Variants in ST7 observed in about 807,000 individuals in gnomAD.
ST7 encodes the protein suppressor of tumorigenicity 7 protein.
A neutral mutation model predicts 78.7 loss-of-function variants in ST7; 28 were observed. The observed-to-expected ratio is 0.36, with a 90% CI of 0.26 to 0.49. The LOEUF is 0.49. Among genes scored for constraint, ST7 ranks in the 20% least tolerant of loss-of-function variants. The pLI is 0.99. For missense variants in ST7, 418 were observed against 696.0 expected (o/e 0.60, Z 4.49); for synonymous variants, 247 against 249.6 (o/e 0.99, Z 0.10).
intron 2 of ST7, among the ~76,000 whole-genome samples, chr7:117,105,403 C>G (rs1414803421): frequency 1.3e-5 from 2 of 152,142 alleles, no homozygotes; most frequent in African/African-American, 2.4e-5. Context: ...GTCTCAGCCT[C>G]CCAAGTAGCT....
chr7:117,061,243 A>G (rs1798338875), intron 1 of ST7, among the ~76,000 whole-genome samples: 2 of 152,180 alleles, frequency 1.3e-5, no homozygotes, highest in Non-Finnish European at 2.9e-5. Context: ...GGGGAATCAG[A>G]TTGGCCATTT....
intron 1 of ST7, among the ~76,000 whole-genome samples, chr7:117,065,204 CTTTTTTT>C (rs11363365): frequency 1.1e-5 from 1 of 91,824 alleles, no homozygotes; most frequent in Non-Finnish European, 2.2e-5. Flanking sequence ...TGGTTCAAGT[CTTTTTTT>C]TTTTTTTTTT....
intron 1 of ST7, among the ~76,000 whole-genome samples, chr7:116,983,594 T>C (rs1216161466): frequency 2.0e-5 from 3 of 152,120 alleles, no homozygotes; most frequent in East Asian, 3.9e-4. Flanking sequence ...GCCTGCCCCC[T>C]GTTCTTATAC....
At chr7:117,048,428 T>C (rs1485216216) in intron 1 of ST7, among the ~76,000 whole-genome samples, 2 of 152,222 alleles carry the variant, frequency 1.3e-5, no homozygotes, top group African/African-American at 4.8e-5. Flanking sequence ...TTCTGGTAGA[T>C]TATCTAATGT....
intron 1 of ST7, among the ~76,000 whole-genome samples, chr7:117,018,752 G>A (rs1382691342): frequency 2.0e-5 from 3 of 152,098 alleles, no homozygotes; most frequent in Non-Finnish European, 4.4e-5. Context: ...AGATTAAATG[G>A]GTTTATACAT....
rs553856014 is a variant in ST7, at chr7:117,059,739, A to C, written c.152-40023A>C. 1.3e-3 allele frequency among the ~76,000 whole-genome samples: 192 copies of C among 145,176 alleles called. 1 individual carries two copies. The highest frequency in any genetic ancestry group is 4.9e-3 in the African/African-American group (191 of 38,684). On this transcript the variant is annotated intron_variant, in intron 1 of 15. Transcript: ENST00000323984. ...TAATCCCAGCACTTTGGGAGGCCAA[A>C]GTGGGAGAATCACTTGAGCCCAGGA... is the stretch of plus-strand genomic sequence containing the variant.
intron 1 of ST7, among the ~76,000 whole-genome samples, chr7:117,008,787 A>G (rs1795259792): frequency 6.6e-6 from 1 of 152,184 alleles, no homozygotes; most frequent in African/African-American, 2.4e-5. Context: ...TTGCAGAGAA[A>G]GGTCAAATCA....
chr7:117,035,119 GT>G (rs61562340), intron 1 of ST7, among the ~76,000 whole-genome samples: 24 of 135,622 alleles, frequency 1.8e-4, no homozygotes, highest in African/African-American at 2.5e-4. Context: ...AAGCTGGGCA[GT>G]TTTTTTTTTT....
intron 12 of ST7, among the ~76,000 whole-genome samples, chr7:117,195,466 C>A (rs1810220155): frequency 6.6e-6 from 1 of 152,114 alleles, no homozygotes; most frequent in Non-Finnish European, 1.5e-5. Context: ...AGTCCATTCT[C>A]ATGCTGCAAA....
intron 10 of ST7, among the ~76,000 whole-genome samples, chr7:117,177,234 T>C (rs1157237239): frequency 6.6e-6 from 1 of 152,208 alleles, no homozygotes; most frequent in East Asian, 1.9e-4. Flanking sequence ...GGATGAACTA[T>C]ATATTGCATT....
At chr7:117,028,794 C>G (rs1796328855) in intron 1 of ST7, among the ~76,000 whole-genome samples, 1 of 152,126 alleles carries the variant, frequency 6.6e-6, no homozygotes, top group Non-Finnish European at 1.5e-5. Context: ...AAAGGCTCAC[C>G]TGAACTAGAT....
intron 14 of ST7, 67 bp from the exon 15 acceptor site, chr7:117,221,856 A>C (rs896158434): frequency 6.7e-7 from 1 of 1,495,868 alleles, no homozygotes; most frequent in Non-Finnish European, 8.9e-7. Context: ...CAGTGCCACC[A>C]TAAAGACCTC....
intron 1 of ST7, among the ~76,000 whole-genome samples, chr7:117,081,716 T>C (rs1799792671): frequency 6.6e-6 from 1 of 152,228 alleles, no homozygotes; most frequent in South Asian, 2.1e-4. Context: ...ATGAGTTTCA[T>C]TTCTAGCTAG....
chr7:116,995,522 T>C (rs1207559799), intron 1 of ST7, among the ~76,000 whole-genome samples: 3 of 152,182 alleles, frequency 2.0e-5, no homozygotes, highest in Admixed American at 6.5e-5. Context: ...CTGGCACTTA[T>C]TGGGAGCCCA....
At chr7:116,983,135 T>C (rs1794033056) in intron 1 of ST7, among the ~76,000 whole-genome samples, 2 of 152,156 alleles carry the variant, frequency 1.3e-5, no homozygotes, top group South Asian at 4.1e-4. Context: ...TGACCTCAGG[T>C]GATCTGCCCA....
chr7:117,188,238 TG>T (rs2117377131), intron 10 of ST7, among the ~76,000 whole-genome samples: 1 of 152,326 alleles, frequency 6.6e-6, no homozygotes, highest in East Asian at 1.9e-4. Context: ...TGGCTAATTA[TG>T]GGACTTCTAT....
At position 117,230,083 on chromosome 7, in the gene ST7, A is replaced by C. The variant is rs1448415478; in HGVS notation, c.*226A>C. 9 of 701,626 alleles carry C rather than the reference A, an allele frequency of 1.3e-5. No individual in the cohort carries two copies. The highest frequency in any genetic ancestry group is 2.1e-5 in the Non-Finnish European group (8 of 377,490). The allele number at this position is 701,626 out of a possible 1,614,324, so 43.5% of individuals were successfully genotyped here. A position where few individuals can be genotyped will look rare whatever the true frequency, so the allele number is the denominator to read the frequency against. On this transcript the variant is annotated 3_prime_UTR_variant, in exon 16 of 16. Transcript: ENST00000323984. ...CAGAAAAGAAGAAAGTCAAAAATAAAACTTTTGTGTATTACAGCAATCATT... is the reference window on the plus strand; with the variant it reads ...CAGAAAAGAAGAAAGTCAAAAATAACACTTTTGTGTATTACAGCAATCATT...
chr7:116,991,931 CTAA>C (rs1182446403), intron 1 of ST7, among the ~76,000 whole-genome samples: 29 of 152,160 alleles, frequency 1.9e-4, no homozygotes, highest in African/African-American at 6.8e-4. Flanking sequence ...CCAACCAAGT[CTAA>C]AATCTAGTGG....
chr7:117,054,507 T>G (rs2116394081), intron 1 of ST7, among the ~76,000 whole-genome samples: 1 of 152,350 alleles, frequency 6.6e-6, no homozygotes, highest in African/African-American at 2.4e-5. Context: ...TGACATTTAT[T>G]GTTGAGTTTT....
Sources: gnomAD v4.1 joint callset for allele counts (sites outside exome capture counted in the v4.1 genomes callset) on GRCh38, gnomAD v4.1.1 for gene constraint, MANE v1.5 for transcripts, NCBI Gene and HGNC (gene_info 2026-07-23, HGNC 2026-07-21) for gene names.